ETV4: variants seen among roughly 807,000 people sequenced by gnomAD.
ETV4 encodes ETS translocation variant 4.
Under a neutral mutation model 65.9 loss-of-function variants are expected in ETV4, and 42 were observed. The observed-to-expected ratio is 0.64, with a 90% CI of 0.50 to 0.82. The LOEUF (loss-of-function observed/expected upper bound fraction) is 0.82. ETV4 is among the 40% of genes least tolerant of loss of function. The probability of loss-of-function intolerance (pLI) is 0.00; values close to 1 mark genes in which losing one functional copy is unlikely to be tolerated. For synonymous variants in ETV4, 238 were observed against 260.0 expected, an observed-to-expected ratio of 0.92 and a Z score of 0.81; for missense variants, 583 against 630.3, an observed-to-expected ratio of 0.92 and a Z score of 0.80.
intron 3 of ETV4, 39 bp from the exon 4 acceptor site, chr17:43,545,061 G>A (rs1465213586): frequency 6.2e-7 from 1 of 1,603,390 alleles, no homozygotes; most frequent in Non-Finnish European, 8.5e-7. Context: ...GAGGTGGAGG[G>A]GACGGTAAGA....
Position 43,529,894 on chromosome 17 carries a change from C to T in ETV4, c.945G>A (p.Glu315=), listed in dbSNP as rs1970806023. ...PFPDDVCVVP[E]KFEGDIKQEG... ...AGTCACTTCTCTGACCTTCAAATTT[C>T]TCAGGGACAACGCAGACATCATCTG... The change falls in exon 10 of 13, where the codon GAG becomes GAA. Residue 315 remains glutamate, a synonymous_variant. Transcript: ENST00000319349. The T allele has an allele frequency of 6.2e-7, 1 of 1,614,162 alleles. No homozygotes were observed. Among genetic ancestry groups the T allele is most frequent in the African/African-American group, 1.3e-5 (1 of 75,048 alleles).
intron 4 of ETV4, among the ~76,000 whole-genome samples, chr17:43,541,955 G>A (rs1261156545): frequency 1.3e-5 from 2 of 152,116 alleles, no homozygotes; most frequent in East Asian, 1.9e-4. Context: ...GCACTCGGAC[G>A]CATATTCAGG....
rs771500754 is a variant in ETV4 at position 43,528,505 on chromosome 17, A to T, written c.*14T>A. ...GCAGCACCCACCTGCGGCAGGGGGA[A>T]CAGCCGCTGGGGGCTAGTAAGAGTA... On this transcript the variant is annotated 3_prime_UTR_variant, in exon 13 of 13. Coordinates refer to ENST00000319349, the MANE Select transcript of ETV4 (RefSeq NM_001079675.5). 2.1e-5 allele frequency: 33 copies of T among 1,563,922 alleles called. No homozygotes were observed. The highest frequency in any genetic ancestry group is 2.9e-5 in the Non-Finnish European group (33 of 1,144,534).
At chr17:43,542,662 G>A (rs55814309) in intron 4 of ETV4, among the ~76,000 whole-genome samples, 5 of 151,946 alleles carry the variant, frequency 3.3e-5, no homozygotes, top group South Asian at 2.1e-4. Context: ...CCATAAAGCC[G>A]CACTCACACT....
chr17:43,544,920 C>G (rs934458727), intron 4 of ETV4, 55 bp downstream of exon 4: 8 of 1,518,056 alleles, frequency 5.3e-6, no homozygotes, highest in Non-Finnish European at 7.3e-6. Flanking sequence ...CCAGGGGCTA[C>G]GGAGTGTCCC....
chr17:43,539,727 C>A (rs1206586655), intron 4 of ETV4, among the ~76,000 whole-genome samples: 1 of 152,206 alleles, frequency 6.6e-6, no homozygotes, highest in African/African-American at 2.4e-5. Flanking sequence ...TCCCTGCAGG[C>A]TCCCCCTCTC....
chr17:43,531,446 C>T (rs1015387953), intron 8 of ETV4, among the ~76,000 whole-genome samples: 1 of 152,148 alleles, frequency 6.6e-6, no homozygotes, highest in Non-Finnish European at 1.5e-5. Context: ...TGCCTCTGGC[C>T]AGGGCATACA....
At chr17:43,544,045 G>A (rs1971666569) in intron 4 of ETV4, 1 of 152,162 alleles carries the variant, frequency 6.6e-6, no homozygotes, top group African/African-American at 2.4e-5. Context: ...CAAAAAAGGA[G>A]TTCCTAGTGT....
chr17:43,536,513 G>A (rs763151394), intron 4 of ETV4, 34 bp from the exon 5 acceptor site: 2 of 1,608,030 alleles, frequency 1.2e-6, no homozygotes, highest in South Asian at 1.1e-5. Flanking sequence ...GTTTGGGGCG[G>A]AGCCCTGGTT....
chr17:43,529,935 G>C lies in ETV4; in HGVS notation c.904C>G (p.Pro302Ala), dbSNP rs983237636. The change falls in exon 10 of 13, where the codon CCT (proline) becomes GCT (alanine). Residue 302 changes from proline (P) to alanine (A), a missense_variant. Pro to Ala is a conservative substitution (Grantham distance 27). Coordinates refer to ENST00000319349, the MANE Select transcript of ETV4 (RefSeq NM_001079675.5). ...ACATCATCTGGGAATGGTCGCAGAGGTTTCTCATAGCCATAGCCTTGTGGA... is the reference window on the plus strand; with the variant it reads ...ACATCATCTGGGAATGGTCGCAGAGCTTTCTCATAGCCATAGCCTTGTGGA... ...DGAMGYGYEK[P>A]LRPFPDDVCV... 6 of 1,614,160 alleles carry C rather than the reference G, an allele frequency of 3.7e-6. No homozygotes were observed. Among genetic ancestry groups the C allele is most frequent in the Non-Finnish European group, 5.1e-6 (6 of 1,180,020 alleles).
chr17:43,537,952 C>A (rs921566929), intron 4 of ETV4, among the ~76,000 whole-genome samples: 5 of 152,080 alleles, frequency 3.3e-5, no homozygotes, highest in Admixed American at 2.0e-4. Context: ...CACAGTGAAA[C>A]CCTGTCTCTA....
intron 12 of ETV4, 130 bp downstream of exon 12, chr17:43,529,005 C>A: frequency 1.1e-6 from 1 of 934,164 alleles, no homozygotes; most frequent in Non-Finnish European, 1.7e-6. Context: ...TCCACAATTT[C>A]TTGTCTCTCT....
At chr17:43,530,038 A>G (rs1970821017) in intron 9 of ETV4, 69 bp downstream of exon 9, 3 of 1,603,382 alleles carry the variant, frequency 1.9e-6, no homozygotes, top group Non-Finnish European at 2.6e-6. Context: ...GGCCAGGGAG[A>G]CCCTCCCCCA....
chr17:43,530,063 C>T, intron 9 of ETV4, 44 bp downstream of exon 9: 1 of 1,611,246 alleles, frequency 6.2e-7, no homozygotes. Context: ...AGCGCTCCCT[C>T]CCCCAACATG....
In ETV4 at chr17:43,529,525, G is replaced by C; in HGVS notation, c.1107C>G (p.Phe369Leu). ...FIAWTGRGME[F>L]KLIEPEEVAR... is the part of the protein sequence containing the mutation. ...CCACCTCCTCAGGCTCAATGAGCTT[G>C]AACTCCATTCCCCGGCCCGTCCAGG... The change falls in exon 11 of 13, where the codon TTC (phenylalanine) becomes TTG (leucine). Residue 369 changes from phenylalanine to leucine, a missense_variant. By Grantham distance (22) the Phe-to-Leu change is conservative (BLOSUM62 0). Transcript: ENST00000319349. 6.2e-7 allele frequency: 1 copy of C among 1,613,212 alleles called. No homozygotes were observed. Among genetic ancestry groups the C allele is most frequent in the East Asian group, 2.2e-5 (1 of 44,828 alleles).
chr17:43,531,440 T>A (rs1970931393), intron 8 of ETV4, among the ~76,000 whole-genome samples: 1 of 152,146 alleles, frequency 6.6e-6, no homozygotes. Flanking sequence ...TGCCCTTGCC[T>A]CTGGCCAGGG....
intron 1 of ETV4, 75 bp from the exon 2 acceptor site, chr17:43,545,743 A>G (rs1971790404): frequency 1.3e-6 from 1 of 784,370 alleles, no homozygotes; most frequent in Non-Finnish European, 2.1e-6. Context: ...GGCAGTCCCA[A>G]GGCTCTGGGT....
At chr17:43,538,600 C>G (rs1424660083) in intron 4 of ETV4, among the ~76,000 whole-genome samples, 1 of 152,186 alleles carries the variant, frequency 6.6e-6, no homozygotes, top group Non-Finnish European at 1.5e-5. Flanking sequence ...CTTATTCTGG[C>G]CTCCCCAGAG....
chr17:43,545,515 G>GGGTGC (rs1271500410), intron 2 of ETV4, 43 bp downstream of exon 2: 13 of 1,525,490 alleles, frequency 8.5e-6, no homozygotes, highest in African/African-American at 1.4e-5. Context: ...AGTAGGGGCT[G>GGGTGC]GGTGCGGGGC....
Sources: gnomAD v4.1 joint callset for allele counts (sites outside exome capture counted in the v4.1 genomes callset) on GRCh38, gnomAD v4.1.1 for gene constraint, MANE v1.5 for transcripts, NCBI Gene and HGNC (gene_info 2026-07-23, HGNC 2026-07-21) for gene names.